The following TMCC3 variants were observed in gnomAD, a reference collection of about 807,000 sequenced individuals.
The protein encoded by TMCC3 is transmembrane and coiled-coil domain family 3, also known as transmembrane and coiled-coil domain protein 3.
In TMCC3, 28 loss-of-function variants were observed where a neutral mutation model predicts 40.2. The ratio of observed to expected loss-of-function variants is 0.70; its 90% CI spans 0.52 to 0.95. The LOEUF is 0.95. TMCC3 is among the 40% of genes least tolerant of loss of function. The pLI is 0.00. For synonymous variants in TMCC3, 255 were observed against 248.5 expected, an observed-to-expected ratio of 1.03 and a Z score of -0.25; for missense variants, 554 against 615.2, an observed-to-expected ratio of 0.90 and a Z score of 1.05.
In TMCC3 at chr12:94,634,524, C is replaced by T. The variant is rs74575434; in HGVS notation, c.78+15829G>A. ...TTAAGTCTTTCTTTAAAAATAAGAG[C>T]TTCATTTGAGCCCTGAGTACTTCAA... On this transcript the variant is annotated intron_variant, in intron 1 of 3. Transcript: ENST00000261226. Among the ~76,000 whole-genome samples, 371 of 152,228 alleles carry T rather than the reference C, an allele frequency of 2.4e-3. 4 individuals are homozygous for T. The highest frequency in any genetic ancestry group is 2.3e-3 in the Non-Finnish European group (159 of 68,010).
intron 1 of TMCC3, among the ~76,000 whole-genome samples, chr12:94,590,206 G>A (rs1050345095): frequency 2.8e-5 from 4 of 141,474 alleles, no homozygotes; most frequent in African/African-American, 5.4e-5. Context: ...AGTGATTCCC[G>A]TCTCAGCCTC....
At chr12:94,596,104 G>A (rs372141347) in intron 1 of TMCC3, among the ~76,000 whole-genome samples, 1 of 152,278 alleles carries the variant, frequency 6.6e-6, no homozygotes, top group East Asian at 1.9e-4. Context: ...AAGAATTTAA[G>A]GCTCTGTTGA....
chr12:94,582,988 TTTTTTTA>T (rs1416984562), intron 1 of TMCC3, among the ~76,000 whole-genome samples: 12 of 24,272 alleles, frequency 4.9e-4, no homozygotes, highest in East Asian at 4.5e-3. Context: ...TTTTTTTTTT[TTTTTTTA>T]AAAAAGAAAG....
At chr12:94,597,140 T>C (rs1290631640) in intron 1 of TMCC3, among the ~76,000 whole-genome samples, 5 of 14,202 alleles carry the variant, frequency 3.5e-4, no homozygotes, top group Admixed American at 1.2e-3. Context: ...TATATATATA[T>C]ATATATATAT....
At chr12:94,591,417 TTTAAA>T (rs2068674701) in intron 1 of TMCC3, among the ~76,000 whole-genome samples, 1 of 143,808 alleles carries the variant, frequency 7.0e-6, no homozygotes, top group Non-Finnish European at 1.5e-5. Context: ...TTTTTTTTTC[TTTAAA>T]TTAAAATTGG....
intron 1 of TMCC3, chr12:94,598,535 G>T: frequency 7.2e-6 from 7 of 971,456 alleles, no homozygotes; most frequent in Non-Finnish European, 8.6e-6. Flanking sequence ...GAGAAGAAAT[G>T]ACCTTAAATC....
chr12:94,579,551 T>C (rs2068587919), intron 2 of TMCC3, among the ~76,000 whole-genome samples: 1 of 152,180 alleles, frequency 6.6e-6, no homozygotes, highest in Admixed American at 6.5e-5. Context: ...AAAAATCTTA[T>C]ACTGTGTATT....
intron 1 of TMCC3, chr12:94,598,651 CCAGCAGGTTCTA>C: frequency 3.0e-6 from 3 of 985,398 alleles, no homozygotes; most frequent in African/African-American, 1.7e-5. Flanking sequence ...GGCTAAAGCT[CCAGCAGGTTCTA>C]CAGTCATTAA....
At chr12:94,643,391 T>G (rs957814056) in intron 1 of TMCC3, among the ~76,000 whole-genome samples, 3 of 152,150 alleles carry the variant, frequency 2.0e-5, no homozygotes, top group Non-Finnish European at 4.4e-5. Context: ...AGGCCAGTCA[T>G]GAGGATCTAC....
intron 1 of TMCC3, among the ~76,000 whole-genome samples, chr12:94,637,170 C>T (rs1406290094): frequency 6.6e-6 from 1 of 152,086 alleles, no homozygotes; most frequent in Non-Finnish European, 1.5e-5. Flanking sequence ...CAAGAACATA[C>T]ATATAAACAG....
intron 1 of TMCC3, chr12:94,616,030 G>T (rs1463835864): frequency 3.0e-6 from 3 of 985,148 alleles, no homozygotes; most frequent in African/African-American, 1.7e-5. Context: ...ATTCCAAACA[G>T]CACCTACCAT....
chr12:94,637,331 T>A (rs2068965789), intron 1 of TMCC3, among the ~76,000 whole-genome samples: 2 of 152,254 alleles, frequency 1.3e-5, no homozygotes, highest in African/African-American at 4.8e-5. Flanking sequence ...GAGCTGTAAT[T>A]ATTTCAAAAT....
chr12:94,578,352 G>C, intron 3 of TMCC3, 42 bp downstream of exon 3: 1 of 1,589,858 alleles, frequency 6.3e-7, no homozygotes, highest in Non-Finnish European at 8.6e-7. Context: ...TTAAGGCTCG[G>C]GAAGAGCCCA....
chr12:94,588,346 C>T (rs952912647), intron 1 of TMCC3, among the ~76,000 whole-genome samples: 16 of 152,292 alleles, frequency 1.1e-4, no homozygotes, highest in African/African-American at 3.6e-4. Context: ...GACCCTGGAA[C>T]GACAGGGACT....
At chr12:94,573,473 A>G (rs1184660181) in intron 3 of TMCC3, among the ~76,000 whole-genome samples, 2 of 152,198 alleles carry the variant, frequency 1.3e-5, no homozygotes, top group Non-Finnish European at 2.9e-5. Flanking sequence ...AATCTTTAAT[A>G]TGGCCTTCTG....
intron 1 of TMCC3, among the ~76,000 whole-genome samples, chr12:94,642,416 C>G (rs1417159241): frequency 6.6e-6 from 1 of 152,328 alleles, no homozygotes; most frequent in East Asian, 1.9e-4. Context: ...AGCCAGGGTT[C>G]CACAGGGAGT....
intron 1 of TMCC3, among the ~76,000 whole-genome samples, chr12:94,606,742 G>C (rs1182256525): frequency 6.6e-6 from 1 of 152,046 alleles, no homozygotes; most frequent in Admixed American, 6.6e-5. Flanking sequence ...TTTTTATTAG[G>C]GATTTTAAAA....
intron 1 of TMCC3, among the ~76,000 whole-genome samples, chr12:94,624,715 A>AT (rs2068893813): frequency 7.8e-6 from 1 of 127,452 alleles, no homozygotes; most frequent in East Asian, 3.5e-4. Context: ...CTGTCTCAAA[A>AT]TTAAAAAAAA....
intron 1 of TMCC3, chr12:94,644,514 GGTGGCCGGCAGT>G: frequency 4.9e-6 from 4 of 824,722 alleles, no homozygotes; most frequent in Non-Finnish European, 5.9e-6. Flanking sequence ...GTGAGCTGGT[GGTGGCCGGCAGT>G]TCCTTCTCCT....
Sources: gnomAD v4.1 joint callset for allele counts (sites outside exome capture counted in the v4.1 genomes callset) on GRCh38, gnomAD v4.1.1 for gene constraint, MANE v1.5 for transcripts, NCBI Gene and HGNC (gene_info 2026-07-23, HGNC 2026-07-21) for gene names.